Variants in PCNX2 observed in about 807,000 individuals in gnomAD.
PCNX2 encodes the protein pecanex-like protein 2.
Under a neutral mutation model 223.8 loss-of-function variants are expected in PCNX2, and 168 were observed. The observed-to-expected ratio is 0.75, with a 90% CI of 0.66 to 0.85. PCNX2 has a LOEUF of 0.85. PCNX2 is among the 40% of genes least tolerant of loss of function. The pLI, the probability that PCNX2 is intolerant of heterozygous loss-of-function variation, is 0.00. For synonymous variants in PCNX2, 1,006 were observed against 1,052.6 expected (o/e 0.96, Z 0.86); for missense variants, 2,507 against 2,675.5 (o/e 0.94, Z 1.39).
At position 233,139,936 on chromosome 1, in the gene PCNX2, T is replaced by C. The variant is rs77079872; in HGVS notation, c.3518-81A>G. 3 of 1,473,314 alleles carry C rather than the reference T, an allele frequency of 2.0e-6. No homozygotes were observed. The highest frequency in any genetic ancestry group is 1.8e-6 in the Non-Finnish European group (2 of 1,099,930). 91.3% of individuals were successfully genotyped at this position (1,473,314 alleles called of 1,614,324 possible). On this transcript the variant is annotated intron_variant, in intron 19 of 33. Coordinates refer to ENST00000258229, the MANE Select transcript of PCNX2 (RefSeq NM_014801.4). This position sits in a 1 kb window ranked among gnomAD's most constrained non-coding sequence, Gnocchi z 4.4. ...AAGTACAGGTAATAATAAGTAATATTCCCCCCCTTTAATTCAAAAGCTGCT... is the reference window on the plus strand; with the variant it reads ...AAGTACAGGTAATAATAAGTAATATCCCCCCCCTTTAATTCAAAAGCTGCT...
chr1:233,303,135 T>C, the PCNX2 span, among the ~76,000 whole-genome samples: 1 of 152,118 alleles, frequency 6.6e-6, no homozygotes, highest in South Asian at 2.1e-4. Context: ...ACACACACAA[T>C]GGACCATATT....
the PCNX2 span, among the ~76,000 whole-genome samples, chr1:233,316,525 C>A: frequency 3.3e-5 from 5 of 152,156 alleles, no homozygotes; most frequent in South Asian, 1.0e-3. Context: ...TACAAGCTCA[C>A]AAGACCTTCA....
intron 32 of PCNX2, among the ~76,000 whole-genome samples, chr1:232,988,081 A>G (rs998174672): frequency 1.3e-5 from 2 of 152,232 alleles, no homozygotes; most frequent in Non-Finnish European, 2.9e-5. Flanking sequence ...CCTCTTACAG[A>G]GAAAAAGGAG....
At chr1:233,023,012 C>T (rs1198352729) in intron 26 of PCNX2, among the ~76,000 whole-genome samples, 1 of 152,102 alleles carries the variant, frequency 6.6e-6, no homozygotes, top group African/African-American at 2.4e-5. Flanking sequence ...TAGCCTAATT[C>T]TTGAGGCAAC....
intron 17 of PCNX2, chr1:233,167,861 T>C: frequency 3.3e-6 from 3 of 914,600 alleles, no homozygotes; most frequent in South Asian, 1.0e-4. Flanking sequence ...TAAATGTATA[T>C]ACCTTTCCAC....
At chr1:233,180,534 G>T (rs1177248693) in intron 15 of PCNX2, among the ~76,000 whole-genome samples, 1 of 151,924 alleles carries the variant, frequency 6.6e-6, no homozygotes, top group Non-Finnish European at 1.5e-5. Flanking sequence ...TTTTTAAGAT[G>T]GGTTAATTGT....
chr1:233,113,045 T>G, intron 21 of PCNX2: 2 of 1,258,038 alleles, frequency 1.6e-6, no homozygotes, highest in Non-Finnish European at 2.1e-6. Flanking sequence ...GCAGGCACTT[T>G]CCTGCAATTA....
At chr1:233,170,483 A>T (rs946084989) in intron 17 of PCNX2, among the ~76,000 whole-genome samples, 17 of 152,128 alleles carry the variant, frequency 1.1e-4, no homozygotes, top group Admixed American at 1.1e-3. Context: ...CCTATTTTCA[A>T]TGGAGATATC....
rs543031919 is a variant in PCNX2, at chr1:233,088,342, T to C, written c.4076+1719A>G. On this transcript the variant is annotated intron_variant, in intron 23 of 33. Transcript: ENST00000258229. ...TGTACTGAGGACCAAGTTTTAAGTATGTTGTACTTTCCTTTCCTGTTTAGG... is the reference window on the plus strand; with the variant it reads ...TGTACTGAGGACCAAGTTTTAAGTACGTTGTACTTTCCTTTCCTGTTTAGG... Among the ~76,000 whole-genome samples the C allele has an allele frequency of 2.0e-5, 3 of 152,344 alleles. No homozygotes were observed. The South Asian group carries it at 6.2e-4, about 32-fold the overall frequency.
rs1274349039 is a variant in PCNX2 at position 232,986,559 on chromosome 1, C to T, written c.5792-19G>A. 1 of 1,498,128 alleles carries T rather than the reference C, an allele frequency of 6.7e-7. No individual in the cohort carries two copies. The highest frequency in any genetic ancestry group is 2.3e-5 in the East Asian group (1 of 42,840). 92.8% of individuals were successfully genotyped at this position (1,498,128 alleles called of 1,614,324 possible). A position where few individuals can be genotyped will look rare whatever the true frequency, so the allele number is the denominator to read the frequency against. The stretch of plus-strand genomic sequence containing the variant: ...CTCCTGCCTTTAAAAGAAAGCAGAA[C>T]ACAGAGTTGTAGCGGGTGGGTCATG... On this transcript the variant is annotated intron_variant, in intron 32 of 33. Coordinates refer to ENST00000258229, the MANE Select transcript of PCNX2 (RefSeq NM_014801.4).
chr1:233,199,415 C>G (rs897788353), intron 14 of PCNX2, among the ~76,000 whole-genome samples: 1 of 151,536 alleles, frequency 6.6e-6, no homozygotes, highest in East Asian at 1.9e-4. Context: ...AGAGAGGAGA[C>G]GGGAAAGGGA....
At chr1:233,307,195 T>C in the PCNX2 span, among the ~76,000 whole-genome samples, 1 of 152,212 alleles carries the variant, frequency 6.6e-6, no homozygotes, top group Non-Finnish European at 1.5e-5. Flanking sequence ...CTTAATATAC[T>C]TTGGATATTT....
At chr1:232,997,130 C>T (rs996434552) in intron 32 of PCNX2, among the ~76,000 whole-genome samples, 3 of 152,134 alleles carry the variant, frequency 2.0e-5, no homozygotes, top group Non-Finnish European at 2.9e-5. Context: ...CCATTCTTTC[C>T]CCTTTAAATA....
At chr1:233,232,982 T>C in intron 9 of PCNX2, 1 of 985,346 alleles carries the variant, frequency 1.0e-6, no homozygotes, top group Non-Finnish European at 1.2e-6. Context: ...GCTGAATGAG[T>C]TGGAGACCAT....
intron 23 of PCNX2, among the ~76,000 whole-genome samples, chr1:233,063,465 A>G (rs1672479854): frequency 6.6e-6 from 1 of 152,210 alleles, no homozygotes; most frequent in South Asian, 2.1e-4. Context: ...GTACAACTAC[A>G]TATTACTCCA....
chr1:233,229,071 A>G (rs1292062297), intron 9 of PCNX2, among the ~76,000 whole-genome samples: 2 of 152,206 alleles, frequency 1.3e-5, no homozygotes, highest in Non-Finnish European at 2.9e-5. Context: ...ATACATGGGC[A>G]GACAGCACAA....
intron 16 of PCNX2, among the ~76,000 whole-genome samples, chr1:233,178,764 G>A (rs4649438): frequency 0.19 from 29,607 of 152,106 alleles, 3,328 homozygotes; most frequent in African/African-American, 0.3. Context: ...GCTCACCCAA[G>A]GGAAAGTCAC....
intron 22 of PCNX2, among the ~76,000 whole-genome samples, chr1:233,095,108 C>T (rs571293991): frequency 2.2e-4 from 34 of 152,274 alleles, no homozygotes; most frequent in Admixed American, 7.9e-4. Flanking sequence ...CCCTTACCCA[C>T]GCGTGCACAT....
chr1:233,120,164 CAAAAAAAAAAA>C (rs1228898502), intron 21 of PCNX2, among the ~76,000 whole-genome samples: 2 of 42,656 alleles, frequency 4.7e-5, no homozygotes, highest in African/African-American at 1.9e-4. Flanking sequence ...GACTCCATTT[CAAAAAAAAAAA>C]AAAAAAAAAG....
Sources: gnomAD v4.1 joint callset for allele counts (sites outside exome capture counted in the v4.1 genomes callset) on GRCh38, gnomAD v4.1.1 for gene constraint, Gnocchi (gnomAD v3.1) non-coding constraint, MANE v1.5 for transcripts, NCBI Gene and HGNC (gene_info 2026-07-23, HGNC 2026-07-21) for gene names.